Variants in GALNT17 observed in about 807,000 individuals in gnomAD.
The protein encoded by GALNT17 is polypeptide N-acetylgalactosaminyltransferase 17.
In GALNT17, 29 loss-of-function variants were observed where a neutral mutation model predicts 63.7. The ratio of observed to expected loss-of-function variants is 0.46; its 90% confidence interval spans 0.34 to 0.62. The LOEUF (loss-of-function observed/expected upper bound fraction) is 0.62. GALNT17 is among the 20% of genes least tolerant of loss of function. The probability of loss-of-function intolerance (pLI) is 0.01; values close to 1 mark genes in which losing one functional copy is unlikely to be tolerated. For synonymous variants in GALNT17, 305 were observed against 318.3 expected, an observed-to-expected ratio of 0.96 and a Z score of 0.45; for missense variants, 603 against 799.6, an observed-to-expected ratio of 0.75 and a Z score of 2.97.
chr7:71,167,322 C>T (rs544971423), intron 1 of GALNT17, among the ~76,000 whole-genome samples: 2 of 152,210 alleles, frequency 1.3e-5, no homozygotes, highest in South Asian at 4.2e-4. Context: ...GCACTTTGTT[C>T]AAATTTCATG....
intron 5 of GALNT17, among the ~76,000 whole-genome samples, chr7:71,560,287 TCA>T (rs1351229314): frequency 1.3e-5 from 2 of 151,662 alleles, no homozygotes; most frequent in Non-Finnish European, 2.9e-5. Flanking sequence ...GCTGTTGGTC[TCA>T]GTGATGTGCT....
chr7:71,437,204 G>A (rs1396212675), intron 5 of GALNT17, among the ~76,000 whole-genome samples: 2 of 152,128 alleles, frequency 1.3e-5, no homozygotes, highest in African/African-American at 4.8e-5. Context: ...AAACTACTCT[G>A]CATCCTTTTG....
At chr7:71,195,426 G>A (rs1170343670) in intron 1 of GALNT17, among the ~76,000 whole-genome samples, 1 of 149,798 alleles carries the variant, frequency 6.7e-6, no homozygotes, top group Non-Finnish European at 1.5e-5. Context: ...TGTTCACCTA[G>A]GTTGGAGTGC....
intron 5 of GALNT17, among the ~76,000 whole-genome samples, chr7:71,488,189 A>T (rs1583996570): frequency 1.3e-5 from 2 of 149,328 alleles, no homozygotes; most frequent in Admixed American, 1.3e-4. Flanking sequence ...AAAAAAAAAA[A>T]CAGCCAAGGT....
At chr7:71,327,592 C>T (rs1791726815) in intron 1 of GALNT17, among the ~76,000 whole-genome samples, 1 of 152,082 alleles carries the variant, frequency 6.6e-6, no homozygotes, top group South Asian at 2.1e-4. Context: ...ACAGATACAG[C>T]ATCAAGACTT....
intron 6 of GALNT17, among the ~76,000 whole-genome samples, chr7:71,639,480 T>C (rs911556806): frequency 2.6e-5 from 4 of 152,160 alleles, no homozygotes; most frequent in African/African-American, 9.7e-5. Context: ...TTGGCTGGTG[T>C]CTCTATTTTG....
intron 6 of GALNT17, among the ~76,000 whole-genome samples, chr7:71,664,462 T>A (rs1790954393): frequency 6.6e-6 from 1 of 152,006 alleles, no homozygotes; most frequent in Admixed American, 6.6e-5. Flanking sequence ...AATTTAAAAA[T>A]TAACTGGGCA....
At chr7:71,478,303 C>G (rs966133355) in intron 5 of GALNT17, among the ~76,000 whole-genome samples, 2 of 151,930 alleles carry the variant, frequency 1.3e-5, no homozygotes, top group Admixed American at 1.3e-4. Flanking sequence ...TGAGCCCCAC[C>G]TTTGTTTGTT....
chr7:71,441,445 T>C (rs1384916686), intron 5 of GALNT17, among the ~76,000 whole-genome samples: 1 of 152,198 alleles, frequency 6.6e-6, no homozygotes, highest in Admixed American at 6.5e-5. Flanking sequence ...CTGTTGACCC[T>C]CCACAGTTTT....
At chr7:71,432,204 A>G (rs1786879568) in intron 5 of GALNT17, among the ~76,000 whole-genome samples, 1 of 152,174 alleles carries the variant, frequency 6.6e-6, no homozygotes, top group Non-Finnish European at 1.5e-5. Flanking sequence ...AGATGCATGA[A>G]GAGTCCCACA....
At chr7:71,523,831 A>G (rs952444533) in intron 5 of GALNT17, among the ~76,000 whole-genome samples, 2 of 151,558 alleles carry the variant, frequency 1.3e-5, no homozygotes, top group African/African-American at 2.4e-5. Context: ...CAGATTAAGA[A>G]ACTCTGGGCT....
At chr7:71,308,816 T>G (rs547242666) in intron 1 of GALNT17, among the ~76,000 whole-genome samples, 14 of 151,058 alleles carry the variant, frequency 9.3e-5, no homozygotes, top group African/African-American at 3.4e-4. Context: ...CGATCTCAGC[T>G]CACTGCAACC....
At position 71,619,147 on chromosome 7, in the gene GALNT17, C is replaced by T. The variant is rs115849179; in HGVS notation, c.1081-46264C>T. Among the ~76,000 whole-genome samples the T allele has an allele frequency of 4.9e-3, 739 of 152,134 alleles. 14 individuals carry two copies. The highest frequency in any genetic ancestry group is 0.017 in the African/African-American group (710 of 41,526). ...GGTGTGCATTTAATTTCCATGTTTTCTGTTCTGCTCATTGGCCTATAGTAC... is the reference window on the plus strand; with the variant it reads ...GGTGTGCATTTAATTTCCATGTTTTTTGTTCTGCTCATTGGCCTATAGTAC... On this transcript the variant is annotated intron_variant, in intron 6 of 10. Transcript: ENST00000333538.
chr7:71,469,319 C>A (rs904248237), intron 5 of GALNT17, among the ~76,000 whole-genome samples: 1 of 152,150 alleles, frequency 6.6e-6, no homozygotes, highest in Non-Finnish European at 1.5e-5. Context: ...AACTTTATAA[C>A]CCTCAAATTC....
chr7:71,237,071 T>TG (rs1789905897), intron 1 of GALNT17, among the ~76,000 whole-genome samples: 1 of 152,154 alleles, frequency 6.6e-6, no homozygotes, highest in African/African-American at 2.4e-5. Context: ...CATTCTTTTT[T>TG]GGGGGTCCAG....
At chr7:71,549,490 G>C (rs916875398) in intron 5 of GALNT17, among the ~76,000 whole-genome samples, 1 of 152,094 alleles carries the variant, frequency 6.6e-6, no homozygotes, top group Admixed American at 6.6e-5. Context: ...ATTGAGGATT[G>C]CTTGAGCCTA....
At chr7:71,708,594 A>G (rs1322800683) in intron 9 of GALNT17, among the ~76,000 whole-genome samples, 1 of 152,154 alleles carries the variant, frequency 6.6e-6, no homozygotes, top group African/African-American at 2.4e-5. Flanking sequence ...GAGTACATAT[A>G]TAGGTTTTTA....
intron 1 of GALNT17, among the ~76,000 whole-genome samples, chr7:71,210,938 T>G (rs1789363757): frequency 6.6e-6 from 1 of 152,210 alleles, no homozygotes; most frequent in African/African-American, 2.4e-5. Context: ...AGACTCACAG[T>G]GCTGCTAAAT....
chr7:71,541,379 C>A (rs1222631649), intron 5 of GALNT17, among the ~76,000 whole-genome samples: 1 of 151,932 alleles, frequency 6.6e-6, no homozygotes, highest in African/African-American at 2.4e-5. Context: ...ATGGTGAAAT[C>A]CCATCTCTAC....
Sources: gnomAD v4.1 joint callset for allele counts (sites outside exome capture counted in the v4.1 genomes callset) on GRCh38, gnomAD v4.1.1 for gene constraint, MANE v1.5 for transcripts, NCBI Gene and HGNC (gene_info 2026-07-23, HGNC 2026-07-21) for gene names.